The following ARHGAP26 variants were observed in gnomAD, a reference collection of about 807,000 sequenced individuals.
The protein encoded by ARHGAP26 is Rho GTPase activating protein 26, also known as rho GTPase-activating protein 26.
Under a neutral mutation model 104.8 loss-of-function variants are expected in ARHGAP26, and 38 were observed. That is an observed-to-expected ratio of 0.36 (90% CI 0.28 to 0.48). The LOEUF (loss-of-function observed/expected upper bound fraction) is 0.48, where lower values mean the gene tolerates loss of function less well. Among genes scored for constraint, ARHGAP26 ranks in the 20% least tolerant of loss-of-function variants. The pLI is 0.99. For synonymous variants in ARHGAP26, 341 were observed against 340.0 expected (o/e 1.00, Z -0.03); for missense variants, 704 against 947.9 (o/e 0.74, Z 3.38).
intron 3 of ARHGAP26, among the ~76,000 whole-genome samples, chr5:142,876,595 T>C (rs1029083605): frequency 2.0e-5 from 3 of 150,206 alleles, no homozygotes; most frequent in Non-Finnish European, 2.9e-5. Flanking sequence ...GGAGGCAACA[T>C]AGTGAGACCC....
chr5:142,788,290 C>T (rs1438123688), intron 1 of ARHGAP26, among the ~76,000 whole-genome samples: 2 of 152,094 alleles, frequency 1.3e-5, no homozygotes, highest in Admixed American at 6.5e-5. Context: ...CACGAGACAC[C>T]GCGCCCGGCC....
At chr5:143,141,085 C>A (rs1798466704) in intron 19 of ARHGAP26, among the ~76,000 whole-genome samples, 1 of 152,236 alleles carries the variant, frequency 6.6e-6, no homozygotes, top group East Asian at 1.9e-4. Context: ...CATGTTTATT[C>A]ACATGGATTC....
At chr5:143,137,352 G>C (rs978884456) in intron 19 of ARHGAP26, among the ~76,000 whole-genome samples, 1 of 152,172 alleles carries the variant, frequency 6.6e-6, no homozygotes, top group Non-Finnish European at 1.5e-5. Context: ...ACTAGAATTG[G>C]GTTCAGATAT....
intron 20 of ARHGAP26, chr5:143,170,146 A>G (rs1486277926): frequency 6.6e-6 from 1 of 152,192 alleles, no homozygotes; most frequent in African/African-American, 2.4e-5. Flanking sequence ...GCTGGCCTCC[A>G]TTCATTTTAA....
At chr5:142,912,593 T>C (rs1388205437) in intron 9 of ARHGAP26, among the ~76,000 whole-genome samples, 1 of 152,210 alleles carries the variant, frequency 6.6e-6, no homozygotes, top group African/African-American at 2.4e-5. Context: ...AATGTATTTA[T>C]TGAGGAGCTA....
chr5:143,178,159 C>G (rs78654192), intron 20 of ARHGAP26, among the ~76,000 whole-genome samples: 4 of 151,788 alleles, frequency 2.6e-5, no homozygotes, highest in Non-Finnish European at 5.9e-5. Context: ...GCCACCATGC[C>G]CGGCTAATTT....
At chr5:142,861,468 T>C (rs1313412037) in intron 1 of ARHGAP26, among the ~76,000 whole-genome samples, 1 of 151,908 alleles carries the variant, frequency 6.6e-6, no homozygotes, top group Non-Finnish European at 1.5e-5. Flanking sequence ...TTGCTTCCTG[T>C]GGTATTAGTG....
At chr5:143,082,104 G>GT (rs1789926195) in intron 17 of ARHGAP26, among the ~76,000 whole-genome samples, 1 of 151,156 alleles carries the variant, frequency 6.6e-6, no homozygotes, top group African/African-American at 2.4e-5. Flanking sequence ...TTGGAATACT[G>GT]TATTTTCTAC....
chr5:142,885,457 A>G (rs933474002), intron 5 of ARHGAP26, 58 bp downstream of exon 5: 46 of 1,464,808 alleles, frequency 3.1e-5, no homozygotes, highest in Non-Finnish European at 4.2e-5. Flanking sequence ...GATGCTGTGG[A>G]TATGTGCTGG....
intron 11 of ARHGAP26, among the ~76,000 whole-genome samples, chr5:142,987,457 T>A (rs1041523674): frequency 6.6e-6 from 1 of 152,212 alleles, no homozygotes; most frequent in Non-Finnish European, 1.5e-5. Context: ...ACAATTTGAC[T>A]TCCTCTTTTC....
At chr5:142,935,336 A>G (rs796787900) in intron 11 of ARHGAP26, among the ~76,000 whole-genome samples, 22 of 152,330 alleles carry the variant, frequency 1.4e-4, no homozygotes, top group African/African-American at 4.8e-4. Context: ...ATGGGTCAGT[A>G]ACCTTTTTCT....
intron 17 of ARHGAP26, among the ~76,000 whole-genome samples, chr5:143,067,954 G>A (rs246649): frequency 0.049 from 7,443 of 152,150 alleles, 364 homozygotes; most frequent in African/African-American, 0.12. Flanking sequence ...ACTTGAGGCC[G>A]GGAGTTCGAG....
At position 143,147,403 on chromosome 5, in the gene ARHGAP26, C is replaced by T. The variant is rs894436836; in HGVS notation, c.1988+22C>T. The T allele has an allele frequency of 3.1e-6, 5 of 1,606,370 alleles. No homozygotes were observed. In the Admixed American group the frequency reaches 6.8e-5, roughly 22 times the overall value. On this transcript the variant is annotated intron_variant, in intron 20 of 22. Coordinates refer to ENST00000645722, the MANE Select transcript of ARHGAP26 (RefSeq NM_001135608.3). ...CACTGTAAGTATGATGTCCAGCTGC[C>T]TACCCCACAAGGGCTTTGGTCAGCC... is the stretch of plus-strand genomic sequence containing the variant.
At chr5:142,947,320 G>A (rs532475939) in intron 11 of ARHGAP26, among the ~76,000 whole-genome samples, 1 of 152,234 alleles carries the variant, frequency 6.6e-6, no homozygotes. Context: ...TTGGAGGGAG[G>A]GAGGGATGGT....
chr5:143,196,643 T>C (rs929777312), intron 20 of ARHGAP26, among the ~76,000 whole-genome samples: 3 of 152,224 alleles, frequency 2.0e-5, no homozygotes, highest in African/African-American at 7.2e-5. Flanking sequence ...CTTCTTGTGC[T>C]TAGGAACATT....
chr5:143,182,360 A>T (rs1804509329), intron 20 of ARHGAP26, among the ~76,000 whole-genome samples: 1 of 152,144 alleles, frequency 6.6e-6, no homozygotes, highest in African/African-American at 2.4e-5. Context: ...GGGAAACTCC[A>T]TAGGTTTCCC....
Position 143,069,575 on chromosome 5 carries a change from G to A in ARHGAP26, c.1538+11828G>A, listed in dbSNP as rs985602893. 2.6e-5 allele frequency among the ~76,000 whole-genome samples: 4 copies of A among 152,130 alleles called. 1 individual carries two copies. In the East Asian group the frequency reaches 7.7e-4, roughly 29 times the overall value. On this transcript the variant is annotated intron_variant, in intron 17 of 22. Coordinates refer to ENST00000645722, the MANE Select transcript of ARHGAP26 (RefSeq NM_001135608.3). ...GGGGACTCACCTGTCTTTCTTGATA[G>A]GACCACATGTAATGGGAGAAAGACA...
intron 20 of ARHGAP26, among the ~76,000 whole-genome samples, chr5:143,167,327 A>G (rs1434784942): frequency 6.7e-6 from 1 of 149,434 alleles, no homozygotes; most frequent in Non-Finnish European, 1.5e-5. Flanking sequence ...AAAAAAAAAA[A>G]AAAAATTAGC....
At chr5:143,082,145 A>G (rs974644522) in intron 17 of ARHGAP26, among the ~76,000 whole-genome samples, 2 of 151,160 alleles carry the variant, frequency 1.3e-5, no homozygotes, top group Admixed American at 6.6e-5. Context: ...TTTGCTATTT[A>G]TAACTTCTGT....
Sources: gnomAD v4.1 joint callset for allele counts (sites outside exome capture counted in the v4.1 genomes callset) on GRCh38, gnomAD v4.1.1 for gene constraint, MANE v1.5 for transcripts, NCBI Gene and HGNC (gene_info 2026-07-23, HGNC 2026-07-21) for gene names.